AK7: variants seen among roughly 807,000 people sequenced by gnomAD.
AK7 encodes ATP-AMP transphosphorylase 7.
Under a neutral mutation model 96.6 loss-of-function variants are expected in AK7, and 78 were observed. That is an observed-to-expected ratio of 0.81 (90% CI 0.67 to 0.97). The LOEUF (loss-of-function observed/expected upper bound fraction) is 0.97. Among genes scored for constraint, AK7 ranks in the 50% least tolerant of loss-of-function variants. The pLI is 0.00. For missense variants in AK7, 855 were observed against 887.9 expected, an observed-to-expected ratio of 0.96 and a Z score of 0.47; for synonymous variants, 302 against 317.2, an observed-to-expected ratio of 0.95 and a Z score of 0.51.
chr14:96,442,706 T>G, intron 6 of AK7, 24 bp from the exon 7 acceptor site: 1 of 1,589,520 alleles, frequency 6.3e-7, no homozygotes. Context: ...CTGGGGGACA[T>G]GATTTTGCTT....
chr14:96,409,048 G>A, intron 4 of AK7, 107 bp downstream of exon 4: 3 of 1,083,778 alleles, frequency 2.8e-6, no homozygotes, highest in Non-Finnish European at 2.7e-6. Context: ...TCCCACTCCT[G>A]AATCCTATCC....
chr14:96,423,930 G>T, intron 5 of AK7: 1 of 1,063,394 alleles, frequency 9.4e-7, no homozygotes, highest in Non-Finnish European at 1.5e-6. Flanking sequence ...CACTGCTGAT[G>T]TCACTGCCCT....
chr14:96,417,655 T>C (rs1246970875), intron 4 of AK7, among the ~76,000 whole-genome samples: 3 of 152,226 alleles, frequency 2.0e-5, no homozygotes, highest in Non-Finnish European at 4.4e-5. Flanking sequence ...TATGGCAACC[T>C]TCTAGCCAGC....
At chr14:96,440,654 A>G (rs1892912428) in intron 6 of AK7, among the ~76,000 whole-genome samples, 1 of 152,156 alleles carries the variant, frequency 6.6e-6, no homozygotes, top group Non-Finnish European at 1.5e-5. Flanking sequence ...CCCTCCAACC[A>G]GCTACATGAT....
intron 12 of AK7, among the ~76,000 whole-genome samples, chr14:96,468,741 GCTC>G (rs1405970706): frequency 6.6e-6 from 1 of 151,986 alleles, no homozygotes; most frequent in African/African-American, 2.4e-5. Context: ...CAGGGGAGCA[GCTC>G]TCTATTTTTA....
At chr14:96,478,030 A>G (rs2140168273) in intron 14 of AK7, among the ~76,000 whole-genome samples, 1 of 152,254 alleles carries the variant, frequency 6.6e-6, no homozygotes, top group East Asian at 1.9e-4. Context: ...ATATACATAC[A>G]TATAAGTATG....
chr14:96,437,802 T>C (rs762931603), intron 5 of AK7, 33 bp from the exon 6 acceptor site: 1 of 1,537,600 alleles, frequency 6.5e-7, no homozygotes, highest in East Asian at 2.3e-5. Flanking sequence ...TAATATTACA[T>C]CCAGCTTTTT....
intron 13 of AK7, 62 bp downstream of exon 13, chr14:96,471,668 G>A (rs1894899466): frequency 1.5e-6 from 2 of 1,317,776 alleles, no homozygotes; most frequent in African/African-American, 1.5e-5. Context: ...TTATTGTTCA[G>A]AGAAGTAGTC....
At chr14:96,392,801 T>C (rs1889833729) in intron 1 of AK7, among the ~76,000 whole-genome samples, 1 of 152,138 alleles carries the variant, frequency 6.6e-6, no homozygotes, top group Admixed American at 6.5e-5. Flanking sequence ...TAGCTGGGAC[T>C]ACAGGCGCCC....
chr14:96,403,301 A>G (rs1446746041), intron 2 of AK7, among the ~76,000 whole-genome samples: 4 of 151,926 alleles, frequency 2.6e-5, no homozygotes, highest in Admixed American at 2.6e-4. Flanking sequence ...CGAGGAACAG[A>G]TTGCCAGCAA....
chr14:96,471,602 C>T lies in AK7; in HGVS notation c.1482C>T (p.Phe494=). Residue 494 remains phenylalanine, a synonymous_variant, in exon 13 of 18, where the codon TTC becomes TTT. Transcript: ENST00000267584. ...PKTYDQAKDL[F]NQEDEEEEDD... Reference sequence around the variant, plus strand: ...CCTATGATCAAGCAAAAGACCTGTTCAATCGTAAGTTTGAGTGTTCTATTT... The same window carrying T: ...CCTATGATCAAGCAAAAGACCTGTTTAATCGTAAGTTTGAGTGTTCTATTT... 6.5e-7 allele frequency: 1 copy of T among 1,550,358 alleles called. No homozygotes were observed. The highest frequency in any genetic ancestry group is 8.7e-7 in the Non-Finnish European group (1 of 1,152,330).
intron 5 of AK7, chr14:96,423,885 G>T (rs1891859955): frequency 4.2e-6 from 4 of 944,240 alleles, no homozygotes; most frequent in Non-Finnish European, 6.9e-6. Context: ...TGCCTTGGGA[G>T]ACCCCGAGCC....
At chr14:96,413,272 T>C (rs1891146114) in intron 4 of AK7, among the ~76,000 whole-genome samples, 1 of 152,216 alleles carries the variant, frequency 6.6e-6, no homozygotes, top group Non-Finnish European at 1.5e-5. Context: ...GTCTGTTGGT[T>C]GCTTCCCACC....
In AK7 at chr14:96,489,195, T is replaced by C. The variant is rs1042979916; in HGVS notation, c.*852T>C. 6 of 152,226 alleles carry C rather than the reference T, an allele frequency of 3.9e-5. No individual in the cohort carries two copies. Among genetic ancestry groups the C allele is most frequent in the Non-Finnish European group, 8.8e-5 (6 of 68,044 alleles). The allele number at this position is 152,226 out of a possible 1,614,324, so 9.4% of individuals were successfully genotyped here. A position where few individuals can be genotyped will look rare whatever the true frequency, so the allele number is the denominator to read the frequency against. On this transcript the variant is annotated 3_prime_UTR_variant, in exon 18 of 18. Transcript: ENST00000267584. ...GTGCTAAAATACATGTAACATAAAA[T>C]TGACCACTGTAACCATTTTAAAGTG...
chr14:96,469,514 ACT>A (rs1346425391), intron 12 of AK7, among the ~76,000 whole-genome samples: 6 of 151,730 alleles, frequency 4.0e-5, no homozygotes, highest in African/African-American at 9.7e-5. Flanking sequence ...AACGGATGAG[ACT>A]CTGTCTCAAA....
At chr14:96,446,388 A>C (rs887601270) in intron 7 of AK7, 129 bp from the exon 8 acceptor site, 5 of 718,520 alleles carry the variant, frequency 7.0e-6, no homozygotes, top group Admixed American at 2.1e-5. Context: ...GACCGTATTG[A>C]AAATGGAGAT....
At position 96,471,540 on chromosome 14, in the gene AK7, A is replaced by C. The variant is rs1272925732; in HGVS notation, c.1420A>C (p.Arg474=). The change falls in exon 13 of 18, where the codon AGG becomes CGG. Residue 474 remains arginine (R), a synonymous_variant. Coordinates refer to ENST00000267584, the MANE Select transcript of AK7 (RefSeq NM_152327.5). Reference sequence around the variant, plus strand: ...AGAAAAGCTAAAATCAATGCCTTGCAGGAATCAAGGTTATATTTTGGATGG... The same window carrying C: ...AGAAAAGCTAAAATCAATGCCTTGCCGGAATCAAGGTTATATTTTGGATGG... ...MKEKLKSMPC[R]NQGYILDGFP... 2 of 1,584,200 alleles carry C rather than the reference A, an allele frequency of 1.3e-6. No individual in the cohort carries two copies. Among genetic ancestry groups the C allele is most frequent in the Non-Finnish European group, 1.7e-6 (2 of 1,159,872 alleles).
chr14:96,461,915 T>C (rs1894272849), intron 12 of AK7, among the ~76,000 whole-genome samples: 1 of 152,212 alleles, frequency 6.6e-6, no homozygotes, highest in Admixed American at 6.5e-5. Flanking sequence ...AGACATATAA[T>C]TGGCCTTTGC....
chr14:96,442,711 T>C lies in AK7; in HGVS notation c.691-19T>C. 1 of 1,603,066 alleles carries C rather than the reference T, an allele frequency of 6.2e-7. No individual in the cohort carries two copies. The highest frequency in any genetic ancestry group is 8.5e-7 in the Non-Finnish European group (1 of 1,169,936). On this transcript the variant is annotated intron_variant, in intron 6 of 17. Transcript: ENST00000267584. ...CCACATATAACTGGGGGACATGATT[T>C]TGCTTTTCTTCCTTTCAGATGGCTT...
Sources: allele counts gnomAD v4.1 joint callset (sites outside exome capture counted in the v4.1 genomes callset), GRCh38; gene constraint gnomAD v4.1.1; transcripts MANE v1.5; gene names NCBI Gene and HGNC (gene_info 2026-07-23, HGNC 2026-07-21).